Variants in ADGRB1 observed in about 807,000 individuals in gnomAD.
The protein encoded by ADGRB1 is brain-specific angiogenesis inhibitor 1.
Under a neutral mutation model 175.7 loss-of-function variants are expected in ADGRB1, and 36 were observed. That is an observed-to-expected ratio of 0.20 (90% CI 0.16 to 0.27). The LOEUF (loss-of-function observed/expected upper bound fraction) is 0.27. Ranked by LOEUF, ADGRB1 falls within the 10% of genes least tolerant of loss-of-function variation. The pLI, the probability that ADGRB1 is intolerant of heterozygous loss-of-function variation, is 1.00. For synonymous variants in ADGRB1, 1,054 were observed against 979.4 expected (o/e 1.08, Z -1.42); for missense variants, 1,731 against 2,255.3 (o/e 0.77, Z 4.71).
intron 7 of ADGRB1, among the ~76,000 whole-genome samples, chr8:142,478,953 G>A (rs1841172120): frequency 6.7e-6 from 1 of 149,624 alleles, no homozygotes; most frequent in Non-Finnish European, 1.5e-5. Flanking sequence ...GTGGGACTTG[G>A]GGTGTCTGTG....
At position 142,527,029 on chromosome 8, in the gene ADGRB1, G is replaced by A. The variant is rs542268664; in HGVS notation, c.3398+402G>A. On this transcript the variant is annotated intron_variant, in intron 24 of 30. Coordinates refer to ENST00000517894, the MANE Select transcript of ADGRB1 (RefSeq NM_001702.3). Reference sequence around the variant, plus strand: ...GGGGAGGATGTCGCCTGTCCATGCAGGGACTCCCTGTCTTTGTGGGACCTT... The same window carrying A: ...GGGGAGGATGTCGCCTGTCCATGCAAGGACTCCCTGTCTTTGTGGGACCTT... Among the ~76,000 whole-genome samples the A allele has an allele frequency of 6.6e-5, 10 of 152,346 alleles. No individual in the cohort carries two copies. The South Asian group carries it at 2.1e-3, about 32-fold the overall frequency.
intron 7 of ADGRB1, chr8:142,479,079 T>G (rs1352396369): frequency 2.4e-6 from 1 of 424,760 alleles, no homozygotes; most frequent in Non-Finnish European, 4.1e-6. Flanking sequence ...CAGTGAGGTG[T>G]GGAGGGTGGT....
intron 11 of ADGRB1, among the ~76,000 whole-genome samples, chr8:142,482,342 TCA>T (rs1437208295): frequency 1.4e-5 from 2 of 145,748 alleles, no homozygotes; most frequent in African/African-American, 5.2e-5. Context: ...CTGATCCTGG[TCA>T]CACACTGAGC....
At chr8:142,467,898 A>G (rs1477372986) in intron 2 of ADGRB1, among the ~76,000 whole-genome samples, 1 of 152,220 alleles carries the variant, frequency 6.6e-6, no homozygotes, top group East Asian at 1.9e-4. Context: ...TGAAATATCA[A>G]TATGCTCGCG....
chr8:142,486,935 G>A (rs539254866), intron 13 of ADGRB1, among the ~76,000 whole-genome samples: 4 of 152,114 alleles, frequency 2.6e-5, no homozygotes, highest in Admixed American at 6.5e-5. Context: ...TGGGAGGATC[G>A]CTTGAGCCCA....
chr8:142,465,008 G>GGACAGGGGAGGTGGGCA (rs746381973), intron 2 of ADGRB1, 26 bp downstream of exon 2: 175 of 1,448,102 alleles, frequency 1.2e-4, no homozygotes, highest in Non-Finnish European at 1.5e-4. Context: ...GGAAACCTTC[G>GGACAGGGGAGGTGGGCA]GACAGGGGAG....
Position 142,524,429 on chromosome 8 carries a change from G to A in ADGRB1, c.3312+125G>A, listed in dbSNP as rs1291594832. 5.5e-6 allele frequency: 6 copies of A among 1,094,536 alleles called. No homozygotes were observed. In the South Asian group the frequency reaches 6.2e-5, roughly 11 times the overall value. 67.8% of individuals were successfully genotyped at this position (1,094,536 alleles called of 1,614,324 possible). ...CTGTCCCTTCAGGATGGCCCTCATG[G>A]CCCTCATCACCAGGGGGTGGGGGTG... On this transcript the variant is annotated intron_variant, in intron 23 of 30. Transcript: ENST00000517894.
chr8:142,494,003 G>A lies in ADGRB1; in HGVS notation c.2675+3188G>A, dbSNP rs559816889. Reference sequence around the variant, plus strand: ...ACCAAGGGACCGGGTCCAAGCTGGTGTGGGCCTGTGTCGGTGTGCACTTGG... The same window carrying A: ...ACCAAGGGACCGGGTCCAAGCTGGTATGGGCCTGTGTCGGTGTGCACTTGG... On this transcript the variant is annotated intron_variant, in intron 17 of 30. Transcript: ENST00000517894. 2.5e-3 allele frequency among the ~76,000 whole-genome samples: 386 copies of A among 152,344 alleles called. 5 individuals carry two copies. Among genetic ancestry groups the A allele is most frequent in the Middle Eastern group, 0.017 (5 of 294 alleles).
intron 1 of ADGRB1, among the ~76,000 whole-genome samples, chr8:142,462,575 G>A (rs1840026743): frequency 2.0e-5 from 3 of 152,260 alleles, no homozygotes. Context: ...ACAAGGCTGT[G>A]CAGGAAGGAC....
At chr8:142,518,046 G>T in intron 18 of ADGRB1, 92 bp from the exon 19 acceptor site, 5 of 1,247,276 alleles carry the variant, frequency 4.0e-6, no homozygotes, top group East Asian at 4.8e-5. Context: ...GGTGTGACCC[G>T]GGGCTGCGGG....
At chr8:142,499,326 G>A (rs903657951) in intron 17 of ADGRB1, among the ~76,000 whole-genome samples, 19 of 152,320 alleles carry the variant, frequency 1.2e-4, no homozygotes, top group Admixed American at 1.1e-3. Flanking sequence ...TGAGTATTAC[G>A]GAACGAGAGT....
At chr8:142,526,760 A>G (rs971022307) in intron 24 of ADGRB1, 133 bp downstream of exon 24, 48 of 893,820 alleles carry the variant, frequency 5.4e-5, no homozygotes, top group Non-Finnish European at 7.5e-5. Context: ...CGGGTGGGAA[A>G]CGGAGGCACT....
At chr8:142,469,149 ATGCGTGCATGTGT>A (rs1439569320) in intron 2 of ADGRB1, among the ~76,000 whole-genome samples, 4 of 53,750 alleles carry the variant, frequency 7.4e-5, no homozygotes, top group Admixed American at 4.8e-4. Context: ...ATGTGTGTGC[ATGCGTGCATGTGT>A]GTGTGTGTGC....
chr8:142,534,972 C>T (rs927301147), intron 25 of ADGRB1, among the ~76,000 whole-genome samples: 2 of 152,184 alleles, frequency 1.3e-5, no homozygotes, highest in African/African-American at 4.8e-5. Flanking sequence ...TGAGGCCAGG[C>T]GGTTCTTCTT....
At chr8:142,522,917 C>T (rs539814351) in intron 22 of ADGRB1, among the ~76,000 whole-genome samples, 22 of 152,348 alleles carry the variant, frequency 1.4e-4, no homozygotes, top group African/African-American at 4.3e-4. Flanking sequence ...TCCCTGGCAG[C>T]GAGCAGTGGG....
Position 142,533,406 on chromosome 8 carries a change from T to C in ADGRB1, c.3510T>C (p.Ala1170=). ...CCGCCCTCTTCCAGATCCTCTTCGC[T>C]GTCTTCGACTCGCTGGAGGGCTTCG... ...RRSALFQILF[A]VFDSLEGFVI... Residue 1170 remains alanine (A), a synonymous_variant, in exon 25 of 31, where the codon GCT becomes GCC. Transcript: ENST00000517894. 1.9e-6 allele frequency: 3 copies of C among 1,612,662 alleles called. No homozygotes were observed. Among genetic ancestry groups the C allele is most frequent in the Non-Finnish European group, 2.5e-6 (3 of 1,179,428 alleles).
intron 24 of ADGRB1, among the ~76,000 whole-genome samples, chr8:142,532,988 T>C (rs964385710): frequency 6.6e-6 from 1 of 151,958 alleles, no homozygotes; most frequent in Non-Finnish European, 1.5e-5. Context: ...GAGGGGGTGC[T>C]GGGACCTCAG....
chr8:142,467,306 C>G (rs987865292), intron 2 of ADGRB1, among the ~76,000 whole-genome samples: 1 of 152,316 alleles, frequency 6.6e-6, no homozygotes. Flanking sequence ...TGAGGGGAAG[C>G]CTGGGACGGG....
At chr8:142,521,944 C>G in intron 20 of ADGRB1, 21 bp from the exon 21 acceptor site, 1 of 1,567,810 alleles carries the variant, frequency 6.4e-7, no homozygotes, top group Non-Finnish European at 8.6e-7. Flanking sequence ...CCCAGCCTGC[C>G]CCGCCCTGGG....
Sources: gnomAD v4.1 joint callset for allele counts (sites outside exome capture counted in the v4.1 genomes callset) on GRCh38, gnomAD v4.1.1 for gene constraint, MANE v1.5 for transcripts, NCBI Gene and HGNC (gene_info 2026-07-23, HGNC 2026-07-21) for gene names.